The following KCNU1 variants were observed in gnomAD, a reference collection of about 807,000 sequenced individuals.
The protein encoded by KCNU1 is potassium channel subfamily U member 1.
In KCNU1, 93 loss-of-function variants were observed where a neutral mutation model predicts 126.8. The observed-to-expected ratio is 0.73, with a 90% CI of 0.62 to 0.87. The LOEUF (loss-of-function observed/expected upper bound fraction) is 0.87. KCNU1 is among the 40% of genes least tolerant of loss of function. The pLI is 0.00. For missense variants in KCNU1, 1,330 were observed against 1,367.1 expected (o/e 0.97, Z 0.43); for synonymous variants, 523 against 494.2 (o/e 1.06, Z -0.77).
At chr8:36,840,437 T>G in intron 14 of KCNU1, 26 bp from the exon 15 acceptor site, 1 of 1,113,862 alleles carries the variant, frequency 9.0e-7, no homozygotes, top group Non-Finnish European at 1.4e-6. Context: ...TCGTTTTGCT[T>G]CGTGTGGCAT....
intron 8 of KCNU1, 109 bp downstream of exon 8, chr8:36,814,486 TG>T: frequency 1.3e-6 from 1 of 776,712 alleles, no homozygotes. Context: ...TTGCATTACT[TG>T]GGGCACATGT....
intron 10 of KCNU1, among the ~76,000 whole-genome samples, chr8:36,832,654 T>C (rs1393895136): frequency 6.6e-6 from 1 of 152,124 alleles, no homozygotes; most frequent in Non-Finnish European, 1.5e-5. Flanking sequence ...TTGCCTATTA[T>C]GCTAGGTTAT....
chr8:36,847,314 G>A (rs562130538), intron 18 of KCNU1, among the ~76,000 whole-genome samples: 2 of 152,040 alleles, frequency 1.3e-5, no homozygotes, highest in Non-Finnish European at 1.5e-5. Flanking sequence ...TCAAATCGGG[G>A]TAATTAGCAT....
chr8:36,929,036 G>C (rs1307058039), intron 24 of KCNU1: 1 of 698,956 alleles, frequency 1.4e-6, no homozygotes, highest in Non-Finnish European at 2.6e-6. Flanking sequence ...TGCAAGCAAT[G>C]CTAAAAGGTA....
chr8:36,890,739 C>T (rs1806930341), intron 19 of KCNU1, among the ~76,000 whole-genome samples: 1 of 151,666 alleles, frequency 6.6e-6, no homozygotes, highest in African/African-American at 2.4e-5. Context: ...TCAACATGTG[C>T]TATATATAAG....
intron 19 of KCNU1, among the ~76,000 whole-genome samples, chr8:36,901,448 T>G (rs1807415064): frequency 6.6e-6 from 1 of 152,126 alleles, no homozygotes; most frequent in South Asian, 2.1e-4. Context: ...AGAGCTGCCT[T>G]TCCCTGCTGG....
At chr8:36,857,830 C>T (rs187633083) in intron 18 of KCNU1, among the ~76,000 whole-genome samples, 64 of 151,592 alleles carry the variant, frequency 4.2e-4, no homozygotes, top group Admixed American at 7.9e-4. Flanking sequence ...ATTTTTAGTA[C>T]GGATGGGGTT....
intron 18 of KCNU1, among the ~76,000 whole-genome samples, chr8:36,862,566 C>T (rs1232128539): frequency 1.3e-5 from 2 of 152,128 alleles, no homozygotes; most frequent in African/African-American, 4.8e-5. Flanking sequence ...GTCCACCCCA[C>T]ACACATGCAC....
intron 7 of KCNU1, among the ~76,000 whole-genome samples, chr8:36,812,641 A>G (rs1803767213): frequency 6.6e-6 from 1 of 152,164 alleles, no homozygotes; most frequent in Admixed American, 6.5e-5. Flanking sequence ...TAAAATAGAT[A>G]ATGATTCAGT....
At chr8:36,793,878 A>AC (rs1802992876) in intron 2 of KCNU1, among the ~76,000 whole-genome samples, 1 of 151,666 alleles carries the variant, frequency 6.6e-6, no homozygotes, top group Admixed American at 6.6e-5. Context: ...ACATGGTGAA[A>AC]CCCCGTCTCT....
chr8:36,816,106 T>TAATG (rs397773060), intron 9 of KCNU1, among the ~76,000 whole-genome samples: 2 of 151,868 alleles, frequency 1.3e-5, no homozygotes, highest in African/African-American at 4.8e-5. Context: ...TTAAAATAAT[T>TAATG]TAGTTCAGTT....
At chr8:36,913,901 A>G (rs551283559) in intron 22 of KCNU1, among the ~76,000 whole-genome samples, 157 of 152,118 alleles carry the variant, frequency 1.0e-3, no homozygotes, top group African/African-American at 3.5e-3. Context: ...ACGCCTGGCC[A>G]TGAGGTCACA....
At chr8:36,806,911 T>C (rs1342206915) in intron 5 of KCNU1, among the ~76,000 whole-genome samples, 2 of 152,228 alleles carry the variant, frequency 1.3e-5, no homozygotes, top group Admixed American at 6.5e-5. Flanking sequence ...GTTATTATCA[T>C]ACCACCTAAA....
At chr8:36,887,457 T>G (rs1188195144) in intron 19 of KCNU1, among the ~76,000 whole-genome samples, 4 of 150,584 alleles carry the variant, frequency 2.7e-5, no homozygotes, top group South Asian at 2.1e-4. Context: ...TTTTTGTTTT[T>G]TTTTTTTTTT....
intron 12 of KCNU1, among the ~76,000 whole-genome samples, chr8:36,835,491 G>A (rs1424212132): frequency 6.6e-6 from 1 of 151,928 alleles, no homozygotes; most frequent in Admixed American, 6.6e-5. Context: ...ACAGGCATGT[G>A]CCACCACGCC....
At chr8:36,925,021 A>G (rs1808487541) in intron 24 of KCNU1, among the ~76,000 whole-genome samples, 1 of 152,164 alleles carries the variant, frequency 6.6e-6, no homozygotes, top group Non-Finnish European at 1.5e-5. Context: ...AGATTTGGTC[A>G]TGAGCCTGAT....
At chr8:36,831,949 G>A (rs1267374383) in intron 10 of KCNU1, among the ~76,000 whole-genome samples, 1 of 152,244 alleles carries the variant, frequency 6.6e-6, no homozygotes, top group African/African-American at 2.4e-5. Flanking sequence ...AATGTGTGAG[G>A]AAGGGATCCA....
intron 8 of KCNU1, among the ~76,000 whole-genome samples, chr8:36,814,920 C>T (rs759189302): frequency 2.0e-5 from 3 of 152,162 alleles, no homozygotes; most frequent in African/African-American, 7.2e-5. Flanking sequence ...TCTACCCATC[C>T]ACGGTCTCAC....
intron 19 of KCNU1, among the ~76,000 whole-genome samples, chr8:36,886,758 C>T (rs759348880): frequency 2.6e-5 from 4 of 152,096 alleles, no homozygotes; most frequent in East Asian, 1.9e-4. Context: ...AAGCAGTATG[C>T]ATTGTACCCA....
Sources: gnomAD v4.1 joint callset for allele counts (sites outside exome capture counted in the v4.1 genomes callset) on GRCh38, gnomAD v4.1.1 for gene constraint, MANE v1.5 for transcripts, NCBI Gene and HGNC (gene_info 2026-07-23, HGNC 2026-07-21) for gene names.